GABRA3: variants seen among roughly 807,000 people sequenced by gnomAD.
GABRA3 encodes the protein gamma-aminobutyric acid receptor subunit alpha-3.
Under a neutral mutation model 30.1 loss-of-function variants are expected in GABRA3, and 10 were observed. The ratio of observed to expected loss-of-function variants is 0.33; its 90% CI spans 0.20 to 0.56. GABRA3 has a LOEUF of 0.56. Ranked by LOEUF, GABRA3 falls within the 20% of genes least tolerant of loss-of-function variation. GABRA3 has a pLI of 0.89. For synonymous variants in GABRA3, 151 were observed against 146.8 expected, an observed-to-expected ratio of 1.03 and a Z score of -0.21; for missense variants, 233 against 392.0, an observed-to-expected ratio of 0.59 and a Z score of 3.42.
intron 4 of GABRA3, among the ~76,000 whole-genome samples, chrX:152,267,637 T>C (rs1603229364): frequency 1.8e-5 from 2 of 111,457 alleles, no homozygotes; most frequent in African/African-American, 6.5e-5. Flanking sequence ...CATCAGGTCC[T>C]GGGTTTTATT....
chrX:152,345,445 C>T (rs1035946793), intron 3 of GABRA3, 136 bp downstream of exon 3: 3 of 632,372 alleles, frequency 4.7e-6, no homozygotes, highest in Non-Finnish European at 7.1e-6. Flanking sequence ...ATTTTTAGTG[C>T]TCATAGGGAA....
chrX:152,431,701 T>C (rs900814213), intron 1 of GABRA3, among the ~76,000 whole-genome samples: 3 of 111,345 alleles, frequency 2.7e-5, no homozygotes, highest in African/African-American at 9.8e-5. Context: ...TCCTTAAAAG[T>C]GGAAGTGGGA....
At chrX:152,271,914 T>G (rs894554605) in intron 4 of GABRA3, among the ~76,000 whole-genome samples, 2 of 111,887 alleles carry the variant, frequency 1.8e-5, no homozygotes, top group African/African-American at 6.5e-5. Context: ...AGCCTACAGG[T>G]GCACAGAAGT....
chrX:152,378,480 T>C (rs189047668), intron 1 of GABRA3, among the ~76,000 whole-genome samples: 82 of 111,373 alleles, frequency 7.4e-4, no homozygotes, highest in African/African-American at 2.6e-3. Context: ...AGACACCCAC[T>C]AAATCTAAAT....
intron 6 of GABRA3, among the ~76,000 whole-genome samples, chrX:152,218,328 T>C (rs1569359045): frequency 1.8e-5 from 2 of 111,056 alleles, no homozygotes; most frequent in East Asian, 5.7e-4. Flanking sequence ...AAATGTACTT[T>C]GTATGGTTCC....
intron 7 of GABRA3, among the ~76,000 whole-genome samples, chrX:152,205,112 A>C (rs1410720796): frequency 9.0e-6 from 1 of 111,342 alleles, no homozygotes; most frequent in Non-Finnish European, 1.9e-5. Context: ...ATCTTAACTA[A>C]TTACATCTGC....
At chrX:152,357,509 T>C (rs1392967708) in intron 2 of GABRA3, among the ~76,000 whole-genome samples, 2 of 111,792 alleles carry the variant, frequency 1.8e-5, no homozygotes, top group Non-Finnish European at 3.8e-5. Context: ...AGGTTCCTTA[T>C]AGATGCTGGA....
At chrX:152,362,718 C>T (rs891168283) in intron 2 of GABRA3, among the ~76,000 whole-genome samples, 10 of 111,201 alleles carry the variant, frequency 9.0e-5, no homozygotes, top group African/African-American at 3.3e-4. Flanking sequence ...TAGATGAATC[C>T]AAGAGATGTG....
intron 2 of GABRA3, among the ~76,000 whole-genome samples, chrX:152,348,053 C>T (rs1488073424): frequency 9.0e-6 from 1 of 111,640 alleles, no homozygotes; most frequent in Non-Finnish European, 1.9e-5. Flanking sequence ...AAATTATTTT[C>T]AATATATTGT....
chrX:152,391,538 A>G (rs900929264), intron 1 of GABRA3, among the ~76,000 whole-genome samples: 5 of 111,647 alleles, frequency 4.5e-5, no homozygotes, highest in African/African-American at 1.6e-4. Flanking sequence ...CACATGGAAG[A>G]AAAACTACCA....
chrX:152,253,960 T>G (rs1419264957), intron 5 of GABRA3, among the ~76,000 whole-genome samples: 1 of 111,863 alleles, frequency 8.9e-6, no homozygotes, highest in East Asian at 2.8e-4. Flanking sequence ...CCCAAAACAA[T>G]GAGTTAGATG....
chrX:152,343,676 A>G (rs1271278798), intron 3 of GABRA3, among the ~76,000 whole-genome samples: 1 of 111,387 alleles, frequency 9.0e-6, no homozygotes, highest in Non-Finnish European at 1.9e-5. Flanking sequence ...TCCTCCTTCA[A>G]TACCGCTCTA....
intron 3 of GABRA3, among the ~76,000 whole-genome samples, chrX:152,310,646 A>T (rs1233910149): frequency 9.0e-6 from 1 of 111,456 alleles, no homozygotes; most frequent in East Asian, 2.8e-4. Flanking sequence ...GCATGGCTAG[A>T]GGAACTAGAA....
intron 1 of GABRA3, among the ~76,000 whole-genome samples, chrX:152,437,042 A>G (rs1463972776): frequency 9.0e-6 from 1 of 111,673 alleles, no homozygotes. Flanking sequence ...TTGAATGGAC[A>G]TTTCTCCAAA....
At chrX:152,433,502 A>G (rs1207655166) in intron 1 of GABRA3, among the ~76,000 whole-genome samples, 1 of 109,854 alleles carries the variant, frequency 9.1e-6, no homozygotes, top group African/African-American at 3.3e-5. Flanking sequence ...AAATATGATT[A>G]TCAAAAACTA....
At chrX:152,277,303 G>A (rs1227008206) in intron 4 of GABRA3, among the ~76,000 whole-genome samples, 1 of 110,636 alleles carries the variant, frequency 9.0e-6, no homozygotes, top group African/African-American at 3.3e-5. Flanking sequence ...CTAGGATAAT[G>A]GCATAATTTT....
chrX:152,416,921 C>T (rs1334489782), intron 1 of GABRA3, among the ~76,000 whole-genome samples: 13 of 105,367 alleles, frequency 1.2e-4, no homozygotes, highest in African/African-American at 4.5e-4. Flanking sequence ...CCATAAAAAC[C>T]CTAGAAGAAA....
chrX:152,174,455 G>C (rs1246487637), intron 9 of GABRA3, among the ~76,000 whole-genome samples: 1 of 111,825 alleles, frequency 8.9e-6, no homozygotes, highest in Non-Finnish European at 1.9e-5. Context: ...AGCACCTGTT[G>C]TTTCCTGACT....
At chrX:152,427,512 A>G (rs1461939645) in intron 1 of GABRA3, among the ~76,000 whole-genome samples, 1 of 112,140 alleles carries the variant, frequency 8.9e-6, no homozygotes, top group African/African-American at 3.2e-5. Flanking sequence ...TTACTTCATT[A>G]AAGAAAATTT....
Sources: gnomAD v4.1 joint callset for allele counts (sites outside exome capture counted in the v4.1 genomes callset) on GRCh38, gnomAD v4.1.1 for gene constraint, MANE v1.5 for transcripts, NCBI Gene and HGNC (gene_info 2026-07-23, HGNC 2026-07-21) for gene names.